Variants in VAT1L observed in about 807,000 individuals in gnomAD.
VAT1L encodes the protein putative NADPH-dependent quinone oxidoreductase VAT1L.
VAT1L carries 34 observed loss-of-function variants against 44.1 expected under a neutral mutation model. The ratio of observed to expected loss-of-function variants is 0.77; its 90% CI spans 0.59 to 1.03. The LOEUF (loss-of-function observed/expected upper bound fraction) is 1.03. Among genes scored for constraint, VAT1L ranks in the 50% least tolerant of loss-of-function variants. The pLI is 0.00. For synonymous variants in VAT1L, 253 were observed against 202.2 expected (o/e 1.25, Z -2.13); for missense variants, 615 against 538.8 (o/e 1.14, Z -1.40).
In VAT1L at chr16:77,892,795, G is replaced by A. The variant is rs957860385; in HGVS notation, c.1077+7993G>A. 8.8e-6 allele frequency: 7 copies of A among 792,946 alleles called. No homozygotes were observed. In the African/African-American group the frequency reaches 1.0e-4, roughly 11 times the overall value. The allele number at this position is 792,946 out of a possible 1,614,324, so 49.1% of individuals were successfully genotyped here. On this transcript the variant is annotated intron_variant, in intron 7 of 8. Transcript: ENST00000302536. ...CCAAGACTGAGGGGTTGGATGGCAAGCATGTGGTCTTTGACAAGGTGAAAG... is the reference window on the plus strand; with the variant it reads ...CCAAGACTGAGGGGTTGGATGGCAAACATGTGGTCTTTGACAAGGTGAAAG...
intron 1 of VAT1L, among the ~76,000 whole-genome samples, chr16:77,798,350 T>C (rs532245010): frequency 6.6e-6 from 1 of 152,248 alleles, no homozygotes; most frequent in Admixed American, 6.5e-5. Flanking sequence ...ATTCAAATCC[T>C]AGCTCTAACA....
rs2018358708 is a variant in VAT1L at position 77,977,901 on chromosome 16, TG to T, written c.*207del. 4 of 544,460 alleles carry T rather than the reference TG, an allele frequency of 7.3e-6. No homozygotes were observed. The East Asian group carries it at 9.7e-5, about 13-fold the overall frequency. 33.7% of individuals were successfully genotyped at this position (544,460 alleles called of 1,614,324 possible). A position where few individuals can be genotyped will look rare whatever the true frequency, so the allele number is the denominator to read the frequency against. On this transcript the variant is annotated 3_prime_UTR_variant, in exon 9 of 9. Transcript: ENST00000302536. Reference sequence around the variant, plus strand: ...TGCAGTATTATGTCCCTCTCCTATCTGTGTATTACACATTCCCCTCTCCCCT... The same window carrying T: ...TGCAGTATTATGTCCCTCTCCTATCTTGTATTACACATTCCCCTCTCCCCT...
intron 6 of VAT1L, among the ~76,000 whole-genome samples, chr16:77,882,740 A>C (rs1412015091): frequency 2.6e-5 from 4 of 152,234 alleles, no homozygotes; most frequent in African/African-American, 4.8e-5. Flanking sequence ...ACTGTGAATC[A>C]AGTTATTATT....
intron 7 of VAT1L, among the ~76,000 whole-genome samples, chr16:77,941,267 T>C (rs2017879972): frequency 6.6e-6 from 1 of 152,198 alleles, no homozygotes; most frequent in Non-Finnish European, 1.5e-5. Context: ...AAATACCCAG[T>C]GGCAGCTTGT....
intron 1 of VAT1L, among the ~76,000 whole-genome samples, chr16:77,796,106 C>T (rs770450605): frequency 6.6e-6 from 1 of 152,152 alleles, no homozygotes; most frequent in Non-Finnish European, 1.5e-5. Context: ...GATTTACAGG[C>T]ATGAGGCACC....
intron 4 of VAT1L, among the ~76,000 whole-genome samples, chr16:77,871,095 T>C (rs1332853354): frequency 6.6e-6 from 1 of 152,138 alleles, no homozygotes; most frequent in Non-Finnish European, 1.5e-5. Context: ...CGAAGGAACA[T>C]TTCTACCCTT....
At chr16:77,853,841 G>A (rs1011926324) in intron 3 of VAT1L, among the ~76,000 whole-genome samples, 1 of 151,940 alleles carries the variant, frequency 6.6e-6, no homozygotes, top group African/African-American at 2.4e-5. Flanking sequence ...ACTTCTTTTG[G>A]GGATTAAAAA....
intron 1 of VAT1L, among the ~76,000 whole-genome samples, chr16:77,804,470 C>T (rs1178285407): frequency 6.6e-6 from 1 of 152,146 alleles, no homozygotes; most frequent in Non-Finnish European, 1.5e-5. Flanking sequence ...GGAAATACTA[C>T]TGAGGTGTGT....
At chr16:77,812,869 A>G (rs1038644708) in intron 1 of VAT1L, among the ~76,000 whole-genome samples, 1 of 152,322 alleles carries the variant, frequency 6.6e-6, no homozygotes. Flanking sequence ...TTAGTATGGG[A>G]AGAAAACTGA....
In VAT1L at chr16:77,788,865, G is replaced by T. The variant is rs2015778155; in HGVS notation, c.183G>T (p.Lys61Asn). The change falls in exon 1 of 9, where the codon AAG becomes AAT. Residue 61 changes from lysine to asparagine, a missense_variant. Physicochemically the swap from Lys to Asn is moderately conservative, Grantham distance 94. Coordinates refer to ENST00000302536, the MANE Select transcript of VAT1L (RefSeq NM_020927.3). The part of the protein sequence containing the change: ...GGLNKLRLFR[K>N]AMPEPQDGEL... ...TCAACAAGCTGCGGCTCTTCAGGAA[G>T]GCCATGCCCGAGCCTCAGGACGGCG... 4.5e-6 allele frequency: 7 copies of T among 1,570,624 alleles called. No homozygotes were observed. Among genetic ancestry groups the T allele is most frequent in the Non-Finnish European group, 5.2e-6 (6 of 1,159,708 alleles).
At chr16:77,954,280 A>G (rs1018899107) in intron 7 of VAT1L, among the ~76,000 whole-genome samples, 3 of 152,210 alleles carry the variant, frequency 2.0e-5, no homozygotes, top group Admixed American at 6.5e-5. Context: ...GCTTTCCAGC[A>G]TGCCAGGATA....
intron 7 of VAT1L, among the ~76,000 whole-genome samples, chr16:77,937,886 A>G (rs1436635769): frequency 6.6e-6 from 1 of 152,242 alleles, no homozygotes; most frequent in African/African-American, 2.4e-5. Context: ...AAATTACCGA[A>G]GGAAACTTGC....
intron 3 of VAT1L, among the ~76,000 whole-genome samples, chr16:77,843,654 C>A (rs570640181): frequency 6.6e-6 from 1 of 152,278 alleles, no homozygotes; most frequent in South Asian, 2.1e-4. Flanking sequence ...AGCCCATCCC[C>A]ACGATGAGAA....
At chr16:77,943,625 A>G (rs916016895) in intron 7 of VAT1L, among the ~76,000 whole-genome samples, 2 of 150,034 alleles carry the variant, frequency 1.3e-5, no homozygotes, top group African/African-American at 4.9e-5. Flanking sequence ...GATGGTCTCG[A>G]TTTCCTGACC....
intron 1 of VAT1L, among the ~76,000 whole-genome samples, chr16:77,812,119 C>G (rs551277660): frequency 9.4e-4 from 142 of 151,130 alleles, no homozygotes; most frequent in African/African-American, 3.2e-3. Flanking sequence ...TCTCGCTCTG[C>G]CACCCAGGCT....
intron 7 of VAT1L, among the ~76,000 whole-genome samples, chr16:77,964,016 G>A (rs2018193324): frequency 6.6e-6 from 1 of 152,080 alleles, no homozygotes; most frequent in Non-Finnish European, 1.5e-5. Flanking sequence ...CCAGACCCCA[G>A]GATCTGGCCG....
intron 7 of VAT1L, among the ~76,000 whole-genome samples, chr16:77,954,936 G>A (rs1315783701): frequency 6.6e-6 from 1 of 152,104 alleles, no homozygotes; most frequent in African/African-American, 2.4e-5. Context: ...TCCAAATATA[G>A]GAAACACACG....
intron 6 of VAT1L, among the ~76,000 whole-genome samples, chr16:77,881,480 G>A (rs1224425417): frequency 6.6e-6 from 1 of 152,206 alleles, no homozygotes; most frequent in African/African-American, 2.4e-5. Flanking sequence ...AAATAGCAGG[G>A]TGGGTGGAGG....
In VAT1L at chr16:77,971,700, C is replaced by T. The variant is rs79777400; in HGVS notation, c.1078-150C>T. The T allele has an allele frequency of 1.0e-3, 735 of 717,378 alleles. 4 individuals carry two copies. The African/African-American group carries it at 0.013, about 12-fold the overall frequency. The allele number at this position is 717,378 out of a possible 1,614,324, so 44.4% of individuals were successfully genotyped here. A position where few individuals can be genotyped will look rare whatever the true frequency, so the allele number is the denominator to read the frequency against. On this transcript the variant is annotated intron_variant, in intron 7 of 8. Transcript: ENST00000302536. ...ATGGCCCAACCAGAATGTAGTTGCA[C>T]CCCAGCGTCCAACAGCAACCTCTTA... is the stretch of plus-strand genomic sequence containing the variant.
Sources: allele counts gnomAD v4.1 joint callset (sites outside exome capture counted in the v4.1 genomes callset), GRCh38; gene constraint gnomAD v4.1.1; transcripts MANE v1.5; gene names NCBI Gene and HGNC (gene_info 2026-07-23, HGNC 2026-07-21).